Variants in CRISPLD1 observed in about 807,000 individuals in gnomAD.
CRISPLD1 encodes cysteine-rich secretory protein LCCL domain-containing 1.
A neutral mutation model predicts 77.5 loss-of-function variants in CRISPLD1; 60 were observed. That is an observed-to-expected ratio of 0.77 (90% CI 0.63 to 0.96). The LOEUF is 0.96. Among genes scored for constraint, CRISPLD1 ranks in the 40% least tolerant of loss-of-function variants. The pLI is 0.00. For synonymous variants in CRISPLD1, 195 were observed against 200.1 expected (o/e 0.97, Z 0.22); for missense variants, 623 against 615.8 (o/e 1.01, Z -0.12).
intron 12 of CRISPLD1, among the ~76,000 whole-genome samples, chr8:75,020,463 G>C (rs1244540051): frequency 6.6e-6 from 1 of 152,168 alleles, no homozygotes; most frequent in Non-Finnish European, 1.5e-5. Flanking sequence ...AGTTCCTGAT[G>C]AGGGCTCTCT....
chr8:75,011,782 T>C (rs971427875), intron 2 of CRISPLD1, among the ~76,000 whole-genome samples: 1 of 152,138 alleles, frequency 6.6e-6, no homozygotes, highest in African/African-American at 2.4e-5. Flanking sequence ...GTCCAGATGA[T>C]AGACACTAGA....
At chr8:74,986,893 A>G (rs1397977192) in intron 2 of CRISPLD1, among the ~76,000 whole-genome samples, 1 of 152,192 alleles carries the variant, frequency 6.6e-6, no homozygotes, top group Non-Finnish European at 1.5e-5. Context: ...ACTTTAAGGG[A>G]CATAATTACT....
chr8:74,996,519 T>C (rs1455201697), intron 2 of CRISPLD1, among the ~76,000 whole-genome samples: 1 of 151,940 alleles, frequency 6.6e-6, no homozygotes, highest in Non-Finnish European at 1.5e-5. Flanking sequence ...TCTGAATTGG[T>C]GAATTACAAG....
chr8:75,026,572 A>T (rs1426319067), intron 13 of CRISPLD1: 1 of 152,248 alleles, frequency 6.6e-6, no homozygotes, highest in Non-Finnish European at 1.5e-5. Flanking sequence ...ATCAGTGTGT[A>T]GACAAAGTCT....
intron 13 of CRISPLD1, among the ~76,000 whole-genome samples, chr8:75,028,420 G>A (rs1224373670): frequency 6.6e-6 from 1 of 152,034 alleles, no homozygotes; most frequent in Admixed American, 6.6e-5. Flanking sequence ...ACACACCACT[G>A]GGATCAGAAA....
At chr8:75,022,646 A>G (rs1253035590) in intron 12 of CRISPLD1, among the ~76,000 whole-genome samples, 4 of 151,900 alleles carry the variant, frequency 2.6e-5, no homozygotes, top group Non-Finnish European at 5.9e-5. Flanking sequence ...GGTTATAATG[A>G]TATTATTTAT....
chr8:75,000,501 C>A, intron 2 of CRISPLD1: 1 of 848,210 alleles, frequency 1.2e-6, no homozygotes, highest in Non-Finnish European at 1.4e-6. Flanking sequence ...TGATGCTGAA[C>A]AAATCTTGCC....
chr8:75,022,577 G>T (rs905766495), intron 12 of CRISPLD1, among the ~76,000 whole-genome samples: 1 of 142,658 alleles, frequency 7.0e-6, no homozygotes, highest in Non-Finnish European at 1.5e-5. Context: ...GAAAGAGCGA[G>T]ACTCTGTCTC....
chr8:75,001,908 G>A (rs927863171), intron 2 of CRISPLD1, among the ~76,000 whole-genome samples: 10 of 152,218 alleles, frequency 6.6e-5, no homozygotes, highest in Middle Eastern at 3.4e-3. Flanking sequence ...TTTTTAAAGC[G>A]AAACATTTAT....
At chr8:74,987,861 G>A (rs961795789) in intron 2 of CRISPLD1, among the ~76,000 whole-genome samples, 9 of 152,142 alleles carry the variant, frequency 5.9e-5, no homozygotes, top group African/African-American at 2.2e-4. Context: ...AAGTAATATG[G>A]AAATCATGAA....
rs548056837 is a variant in CRISPLD1 at position 74,999,762 on chromosome 8, TTC to T, written c.259-12669_259-12668del. On this transcript the variant is annotated intron_variant, in intron 2 of 14. Transcript: ENST00000262207. The stretch of plus-strand genomic sequence containing the variant: ...AACTATTAAGGCAGGAAAATGAAAT[TTC>T]TTTTTCTTTTCTTTTTTTTTTTTTA... Among the ~76,000 whole-genome samples the T allele has an allele frequency of 1.8e-3, 272 of 150,728 alleles. 5 individuals carry two copies. The highest frequency in any genetic ancestry group is 6.3e-3 in the African/African-American group (260 of 40,990).
intron 2 of CRISPLD1, among the ~76,000 whole-genome samples, chr8:74,988,511 A>G (rs1396827899): frequency 6.6e-6 from 1 of 151,978 alleles, no homozygotes; most frequent in Non-Finnish European, 1.5e-5. Flanking sequence ...TTCTACCCCT[A>G]TTCTTTTACT....
Position 75,016,669 on chromosome 8 carries a change from A to G in CRISPLD1, c.832A>G (p.Ser278Gly). The part of the protein sequence containing the change: ...DTHVRTRSDD[S>G]SRNEVISAQQ... ...CCATGTCCGGACAAGATCAGATGAT[A>G]GTAGCAGAAATGAAGTCATAAGCGC... Residue 278 changes from serine (S) to glycine (G), a missense_variant, in exon 7 of 15, where the codon AGT becomes GGT. By Grantham distance (56) the Ser-to-Gly change is moderately conservative. Coordinates refer to ENST00000262207, the MANE Select transcript of CRISPLD1 (RefSeq NM_031461.6). 6.2e-7 allele frequency: 1 copy of G among 1,613,298 alleles called. No individual in the cohort carries two copies. The highest frequency in any genetic ancestry group is 8.5e-7 in the Non-Finnish European group (1 of 1,179,456).
rs911600534 is a variant in CRISPLD1, at chr8:75,032,174, A to G, written c.1452-17A>G. On this transcript the variant is annotated splice_polypyrimidine_tract_variant and intron_variant, in intron 14 of 14. Transcript: ENST00000262207. ...GATGACATCAATATACTTTTCATAT[A>G]TTTTTTTTTTTTGCAGTTTACAGAA... The G allele has an allele frequency of 1.8e-6, 2 of 1,086,286 alleles. No homozygotes were observed. Among genetic ancestry groups the G allele is most frequent in the African/African-American group, 3.1e-5 (2 of 64,264 alleles). The allele number at this position is 1,086,286 out of a possible 1,614,324, so 67.3% of individuals were successfully genotyped here. A position where few individuals can be genotyped will look rare whatever the true frequency, so the allele number is the denominator to read the frequency against.
intron 2 of CRISPLD1, among the ~76,000 whole-genome samples, chr8:74,989,296 A>G (rs1010791221): frequency 1.3e-5 from 2 of 152,328 alleles, no homozygotes; most frequent in Non-Finnish European, 2.9e-5. Flanking sequence ...GAGATTACCT[A>G]CATTTAATTT....
rs200279018 is a variant in CRISPLD1, at chr8:75,032,382, TAAAC to T, written c.*144_*147del. On this transcript the variant is annotated 3_prime_UTR_variant, in exon 15 of 15. Coordinates refer to ENST00000262207, the MANE Select transcript of CRISPLD1 (RefSeq NM_031461.6). The stretch of plus-strand genomic sequence containing the variant: ...GGTGCCAAATGCATATAAATCTTGA[TAAAC>T]AAAGTCTATAAAATAAAACATGGGA... 0.014 allele frequency: 6,306 copies of T among 463,700 alleles called. 52 individuals carry two copies. Among genetic ancestry groups the T allele is most frequent in the Middle Eastern group, 0.019 (39 of 2,020 alleles). 28.7% of individuals were successfully genotyped at this position (463,700 alleles called of 1,614,324 possible). A position where few individuals can be genotyped will look rare whatever the true frequency, so the allele number is the denominator to read the frequency against.
At chr8:74,986,532 A>G (rs917522253) in intron 2 of CRISPLD1, among the ~76,000 whole-genome samples, 2 of 152,326 alleles carry the variant, frequency 1.3e-5, no homozygotes, top group Admixed American at 6.5e-5. Flanking sequence ...AACAGCTGGT[A>G]TATTTGCTGT....
At chr8:75,014,153 A>T in intron 5 of CRISPLD1, 51 bp downstream of exon 5, 1 of 1,156,160 alleles carries the variant, frequency 8.6e-7, no homozygotes, top group Non-Finnish European at 1.3e-6. Flanking sequence ...TAACAAAATG[A>T]AAATACCTTT....
chr8:75,025,493 A>G (rs1049866827), intron 12 of CRISPLD1, 53 bp from the exon 13 acceptor site: 7 of 711,032 alleles, frequency 9.8e-6, no homozygotes, highest in Non-Finnish European at 1.4e-5. Context: ...CTAATAAGAA[A>G]GACTTAAGTA....
Sources: allele counts gnomAD v4.1 joint callset (sites outside exome capture counted in the v4.1 genomes callset), GRCh38; gene constraint gnomAD v4.1.1; transcripts MANE v1.5; gene names NCBI Gene and HGNC (gene_info 2026-07-23, HGNC 2026-07-21).